Variants in TMPRSS11A observed in about 807,000 individuals in gnomAD.
TMPRSS11A encodes the protein transmembrane serine protease 11A.
A neutral mutation model predicts 58.9 loss-of-function variants in TMPRSS11A; 53 were observed. The ratio of observed to expected loss-of-function variants is 0.90; its 90% CI spans 0.72 to 1.13. The LOEUF is 1.13. Among genes scored for constraint, TMPRSS11A ranks in the 50% most tolerant of loss-of-function variants. TMPRSS11A has a pLI of 0.00. For synonymous variants in TMPRSS11A, 167 were observed against 169.8 expected, an observed-to-expected ratio of 0.98 and a Z score of 0.13; for missense variants, 493 against 499.3, an observed-to-expected ratio of 0.99 and a Z score of 0.12.
intron 1 of TMPRSS11A, among the ~76,000 whole-genome samples, chr4:67,952,415 A>C (rs1023206743): frequency 6.6e-6 from 1 of 152,204 alleles, no homozygotes; most frequent in East Asian, 1.9e-4. Context: ...AAGTGAAAGG[A>C]TTTATAGAAT....
At chr4:67,919,690 A>G (rs989463482) in intron 7 of TMPRSS11A, among the ~76,000 whole-genome samples, 1 of 152,206 alleles carries the variant, frequency 6.6e-6, no homozygotes, top group Admixed American at 6.5e-5. Context: ...AAAATAGGGT[A>G]ACGGAATAGA....
intron 3 of TMPRSS11A, among the ~76,000 whole-genome samples, chr4:67,939,751 C>A (rs557086098): frequency 6.6e-6 from 1 of 152,136 alleles, no homozygotes; most frequent in Non-Finnish European, 1.5e-5. Flanking sequence ...TGCAATGGCA[C>A]GATCTCGGCT....
intron 7 of TMPRSS11A, among the ~76,000 whole-genome samples, chr4:67,920,429 C>T (rs1415063204): frequency 6.6e-6 from 1 of 150,520 alleles, no homozygotes; most frequent in Non-Finnish European, 1.5e-5. Context: ...TTATTGGAAG[C>T]ATATTTTAAG....
intron 3 of TMPRSS11A, among the ~76,000 whole-genome samples, chr4:67,940,889 T>A (rs112973836): frequency 0.011 from 1,657 of 152,308 alleles, 27 homozygotes; most frequent in African/African-American, 0.037. Flanking sequence ...CATGTATACT[T>A]AGGCAGCTTA....
chr4:67,934,754 C>A (rs1346283626), intron 3 of TMPRSS11A, among the ~76,000 whole-genome samples: 1 of 152,146 alleles, frequency 6.6e-6, no homozygotes, highest in Non-Finnish European at 1.5e-5. Flanking sequence ...AACAAACAGA[C>A]TCGCCCAGCC....
rs114059597 is a variant in TMPRSS11A, at chr4:67,922,071, C to T, written c.692+684G>A. ...TTATAGGATAGCACAATTTGCTATT[C>T]TTCACTTCAGCTTTGTCTTTTGTGT... On this transcript the variant is annotated intron_variant, in intron 7 of 9. Coordinates refer to ENST00000508048, the MANE Select transcript of TMPRSS11A (RefSeq NM_001114387.2). Among the ~76,000 whole-genome samples, 397 of 152,230 alleles carry T rather than the reference C, an allele frequency of 2.6e-3. 2 individuals carry two copies. The highest frequency in any genetic ancestry group is 9.0e-3 in the African/African-American group (372 of 41,540).
chr4:67,925,840 C>T (rs1720453784), intron 5 of TMPRSS11A, among the ~76,000 whole-genome samples: 1 of 152,068 alleles, frequency 6.6e-6, no homozygotes, highest in African/African-American at 2.4e-5. Context: ...AGGAATGATA[C>T]CAGGATAAGT....
chr4:67,918,508 A>C (rs1472285008), intron 8 of TMPRSS11A, among the ~76,000 whole-genome samples: 1 of 152,242 alleles, frequency 6.6e-6, no homozygotes, highest in Non-Finnish European at 1.5e-5. Context: ...CAGCTGGAAC[A>C]ATAGAAATTA....
intron 1 of TMPRSS11A, among the ~76,000 whole-genome samples, chr4:67,960,474 G>A (rs1285604652): frequency 6.6e-6 from 1 of 152,142 alleles, no homozygotes; most frequent in Non-Finnish European, 1.5e-5. Context: ...ATAAAATGGA[G>A]ATAATATTAC....
intron 2 of TMPRSS11A, 61 bp downstream of exon 2, chr4:67,946,389 T>C (rs577297847): frequency 1.5e-5 from 22 of 1,516,958 alleles, no homozygotes; most frequent in Middle Eastern, 3.5e-4. Context: ...TTTACATATA[T>C]GTAAATGGAG....
intron 6 of TMPRSS11A, among the ~76,000 whole-genome samples, chr4:67,923,837 G>A (rs1320253362): frequency 6.6e-6 from 1 of 152,160 alleles, no homozygotes. Context: ...GTAGCAGAAA[G>A]TACATTTTAT....
At chr4:67,943,061 A>G (rs552213852) in intron 3 of TMPRSS11A, among the ~76,000 whole-genome samples, 21 of 152,246 alleles carry the variant, frequency 1.4e-4, no homozygotes, top group Middle Eastern at 3.4e-3. Flanking sequence ...GGCTTATGCT[A>G]TGGTGATAAA....
rs146332241 is a variant in TMPRSS11A, at chr4:67,957,269, G to A, written c.11+6114C>T. The stretch of plus-strand genomic sequence containing the variant: ...ACTTTGGAACTGGGTAATATGCAGA[G>A]GTTGGAACAGTTTGGAGGGCTGAGA... On this transcript the variant is annotated intron_variant, in intron 1 of 9. Transcript: ENST00000508048. Among the ~76,000 whole-genome samples, 407 of 152,298 alleles carry A rather than the reference G, an allele frequency of 2.7e-3. 4 individuals are homozygous for A. The highest frequency in any genetic ancestry group is 7.7e-3 in the African/African-American group (320 of 41,552).
intron 3 of TMPRSS11A, among the ~76,000 whole-genome samples, chr4:67,937,570 T>A (rs1411744164): frequency 7.2e-5 from 11 of 152,136 alleles, no homozygotes; most frequent in African/African-American, 2.4e-5. Flanking sequence ...AGCACATGTG[T>A]GGAGTTGCCT....
At position 67,922,923 on chromosome 4, in the gene TMPRSS11A, C is replaced by G. The variant is rs1259270260; in HGVS notation, c.524G>C (p.Cys175Ser). The G allele has an allele frequency of 6.2e-7, 1 of 1,612,932 alleles. No individual in the cohort carries two copies. Among genetic ancestry groups the G allele is most frequent in the Non-Finnish European group, 8.5e-7 (1 of 1,179,604 alleles). The change falls in exon 7 of 10, where the codon TGT becomes TCT. Residue 175 changes from cysteine to serine, a missense_variant. Coordinates refer to ENST00000508048, the MANE Select transcript of TMPRSS11A (RefSeq NM_001114387.2). ...GTTTAATGGAACAACTCGTTTACCA[C>G]AACCTGAAAAAAGATGAGATCATTA... The part of the protein sequence containing the change: ...STGELTVQAS[C>S]GKRVVPLNVN...
intron 5 of TMPRSS11A, among the ~76,000 whole-genome samples, chr4:67,929,061 A>G: frequency 6.6e-6 from 1 of 152,224 alleles, no homozygotes; most frequent in East Asian, 1.9e-4. Flanking sequence ...GTGTTTGACT[A>G]TAGAAACCTT....
chr4:67,946,689 A>T (rs1004028521), intron 1 of TMPRSS11A, 118 bp from the exon 2 acceptor site: 2 of 998,892 alleles, frequency 2.0e-6, no homozygotes, highest in Non-Finnish European at 2.8e-6. Context: ...AAGGTCTTTA[A>T]TTTTGTTCAA....
At chr4:67,932,310 A>T (rs553141358) in intron 3 of TMPRSS11A, among the ~76,000 whole-genome samples, 16 of 152,294 alleles carry the variant, frequency 1.1e-4, no homozygotes, top group Non-Finnish European at 2.1e-4. Context: ...TCATATTTTT[A>T]AAAAACCTAC....
chr4:67,927,156 A>G (rs1321611738), intron 5 of TMPRSS11A, among the ~76,000 whole-genome samples: 1 of 152,216 alleles, frequency 6.6e-6, no homozygotes, highest in Non-Finnish European at 1.5e-5. Flanking sequence ...ACAAGAACTC[A>G]GGACCTGCCA....
Sources: gnomAD v4.1 joint callset for allele counts (sites outside exome capture counted in the v4.1 genomes callset) on GRCh38, gnomAD v4.1.1 for gene constraint, MANE v1.5 for transcripts, NCBI Gene and HGNC (gene_info 2026-07-23, HGNC 2026-07-21) for gene names.